NLRC5: variants seen among roughly 807,000 people sequenced by gnomAD.
The protein encoded by NLRC5 is NLR family CARD domain containing 5, also known as protein NLRC5.
A neutral mutation model predicts 206.9 loss-of-function variants in NLRC5; 114 were observed. The observed-to-expected ratio is 0.55, with a 90% CI of 0.47 to 0.64. The LOEUF is 0.64. Ranked by LOEUF, NLRC5 falls within the 30% of genes least tolerant of loss-of-function variation. NLRC5 has a pLI of 0.00. For synonymous variants in NLRC5, 952 were observed against 962.8 expected, an observed-to-expected ratio of 0.99 and a Z score of 0.21; for missense variants, 2,008 against 2,305.5, an observed-to-expected ratio of 0.87 and a Z score of 2.64.
chr16:57,062,047 G>A lies in NLRC5; in HGVS notation c.4154+346G>A, dbSNP rs1342997305. The A allele has an allele frequency of 7.4e-6, 10 of 1,350,642 alleles. No individual in the cohort carries two copies. In the Admixed American group the frequency reaches 9.8e-5, roughly 13 times the overall value. The allele number at this position is 1,350,642 out of a possible 1,614,324, so 83.7% of individuals were successfully genotyped here. A position where few individuals can be genotyped will look rare whatever the true frequency, so the allele number is the denominator to read the frequency against. Reference sequence around the variant, plus strand: ...GATCATTTTAAAACACTCAGAAAAAGAAGATACCGAAGTAGAAAGAATAAT... The same window carrying A: ...GATCATTTTAAAACACTCAGAAAAAAAAGATACCGAAGTAGAAAGAATAAT... On this transcript the variant is annotated intron_variant, in intron 32 of 48. Transcript: ENST00000688547.
rs537567720 is a variant in NLRC5 at position 57,000,284 on chromosome 16, G to C, written c.-128+10667G>C. 2.0e-4 allele frequency among the ~76,000 whole-genome samples: 31 copies of C among 152,278 alleles called. No homozygotes were observed. The South Asian group carries it at 6.0e-3, about 30-fold the overall frequency. ...CTGGCAGTAGGGCACCCCAGTCCTG[G>C]AGGAGGGTGCATCTGGAAAGCTTGG... On this transcript the variant is annotated intron_variant, in intron 1 of 48. Transcript: ENST00000688547.
At chr16:57,082,271 A>G (rs2069244509) in intron 48 of NLRC5, 146 bp from the exon 49 acceptor site, 1 of 568,342 alleles carries the variant, frequency 1.8e-6, no homozygotes, top group African/African-American at 1.9e-5. Flanking sequence ...CCCTCTCCCT[A>G]GGTCAGCTAT....
rs191102520 is a variant in NLRC5, at chr16:57,053,852, A to C, written c.3507-899A>C. Among the ~76,000 whole-genome samples the C allele has an allele frequency of 2.2e-4, 34 of 152,316 alleles. No individual in the cohort carries two copies. The East Asian group carries it at 6.6e-3, about 29-fold the overall frequency. On this transcript the variant is annotated intron_variant, in intron 24 of 48. Coordinates refer to ENST00000688547, the MANE Select transcript of NLRC5 (RefSeq NM_001384950.1). ...TCCTCATTTGGGTTTTCAAAAGTTC[A>C]GACTGAGTGCTGGGTAGAGAATGGA...
At chr16:57,025,298 A>G (rs747884831) in intron 5 of NLRC5, 70 bp from the exon 6 acceptor site, 2 of 1,498,556 alleles carry the variant, frequency 1.3e-6, no homozygotes, top group Non-Finnish European at 1.8e-6. Flanking sequence ...ACAGCCCAAT[A>G]CTGGGGCAAG....
Position 57,051,589 on chromosome 16 carries a change from C to T in NLRC5, c.3474C>T (p.Cys1158=), listed in dbSNP as rs1443629356. 6.2e-7 allele frequency: 1 copy of T among 1,614,040 alleles called. No individual in the cohort carries two copies. The highest frequency in any genetic ancestry group is 8.5e-7 in the Non-Finnish European group (1 of 1,179,892). Reference sequence around the variant, plus strand: ...AGAGCCTGGAGACTCTACTGGACTGCTTACCTCAACTCCCTCAGCTGAGCC... The same window carrying T: ...AGAGCCTGGAGACTCTACTGGACTGTTTACCTCAACTCCCTCAGCTGAGCC... ...SDQSLETLLD[C]LPQLPQLSLL... The change falls in exon 24 of 49, where the codon TGC becomes TGT. Residue 1158 remains cysteine, a synonymous_variant. Coordinates refer to ENST00000688547, the MANE Select transcript of NLRC5 (RefSeq NM_001384950.1).
chr16:57,060,505 TACCACATACACACACATAC>T (rs1452063810), intron 30 of NLRC5, among the ~76,000 whole-genome samples: 9 of 149,630 alleles, frequency 6.0e-5, no homozygotes, highest in African/African-American at 2.0e-4. Flanking sequence ...ACCATACACA[TACCACATACACACACATAC>T]ACCACACACA....
At chr16:57,055,393 A>T in intron 26 of NLRC5, 40 bp from the exon 27 acceptor site, 1 of 1,597,248 alleles carries the variant, frequency 6.3e-7, no homozygotes, top group Non-Finnish European at 8.6e-7. Flanking sequence ...TCAGTGGCCA[A>T]ACGCCCCATC....
chr16:57,070,872 ATGGTGGTTAATGGGGAAGGGGGTGAGT>A (rs1567639023), intron 38 of NLRC5, among the ~76,000 whole-genome samples: 17 of 77,650 alleles, frequency 2.2e-4, no homozygotes, highest in African/African-American at 8.5e-4. Context: ...GAGAGTGGTG[ATGGTGGTTAATGGGGAAGGGGGTGAGT>A]GAGTGGTGAT....
At chr16:57,082,392 G>T in intron 48 of NLRC5, 25 bp from the exon 49 acceptor site, 1 of 1,533,668 alleles carries the variant, frequency 6.5e-7, no homozygotes, top group South Asian at 1.2e-5. Context: ...GAGGATGAAT[G>T]AGTGCCTATA....
intron 35 of NLRC5, 132 bp from the exon 36 acceptor site, chr16:57,067,604 G>A (rs769507743): frequency 1.0e-4 from 138 of 1,329,826 alleles, no homozygotes; most frequent in Non-Finnish European, 1.4e-4. Context: ...TGGAGGGGAG[G>A]GAGAGCCCCA....
At chr16:57,042,214 G>C (rs562150429) in intron 19 of NLRC5, 149 bp downstream of exon 19, 1 of 457,892 alleles carries the variant, frequency 2.2e-6, no homozygotes, top group Non-Finnish European at 3.8e-6. Flanking sequence ...CTCGGTGAAG[G>C]CTAGCTAATA....
In NLRC5 at chr16:57,037,323, C is replaced by A. The variant is rs771857808; in HGVS notation, c.2801+39C>A. 7 of 1,530,424 alleles carry A rather than the reference C, an allele frequency of 4.6e-6. No individual in the cohort carries two copies. In the Admixed American group the frequency reaches 5.1e-5, roughly 11 times the overall value. 94.8% of individuals were successfully genotyped at this position (1,530,424 alleles called of 1,614,324 possible). On this transcript the variant is annotated intron_variant, in intron 15 of 48. Transcript: ENST00000688547. Reference sequence around the variant, plus strand: ...CAGACCACGGTACCCATCCCCCCCCCCATCATGCTCTCTCTGAAGCCCTTG... The same window carrying A: ...CAGACCACGGTACCCATCCCCCCCCACATCATGCTCTCTCTGAAGCCCTTG...
intron 38 of NLRC5, 58 bp from the exon 39 acceptor site, chr16:57,074,542 C>T (rs1183202695): frequency 2.0e-6 from 3 of 1,504,552 alleles, no homozygotes; most frequent in East Asian, 2.3e-5. Context: ...CTCAGACCCC[C>T]AGACTGGACA....
Position 57,037,323 on chromosome 16 carries a change from C to T in NLRC5, c.2801+39C>T, listed in dbSNP as rs771857808. ...CAGACCACGGTACCCATCCCCCCCC[C>T]CATCATGCTCTCTCTGAAGCCCTTG... On this transcript the variant is annotated intron_variant, in intron 15 of 48. Coordinates refer to ENST00000688547, the MANE Select transcript of NLRC5 (RefSeq NM_001384950.1). 9 of 1,530,426 alleles carry T rather than the reference C, an allele frequency of 5.9e-6. No homozygotes were observed. The Admixed American group carries it at 1.5e-4, about 26-fold the overall frequency. The allele number at this position is 1,530,426 out of a possible 1,614,324, so 94.8% of individuals were successfully genotyped here.
intron 23 of NLRC5, among the ~76,000 whole-genome samples, chr16:57,050,371 A>G (rs1172210265): frequency 6.6e-6 from 1 of 151,692 alleles, no homozygotes; most frequent in Non-Finnish European, 1.5e-5. Flanking sequence ...TCACTGAGCC[A>G]GTTGATGTAG....
intron 29 of NLRC5, 95 bp from the exon 30 acceptor site, chr16:57,059,372 G>T: frequency 6.5e-7 from 1 of 1,528,336 alleles, no homozygotes. Context: ...TGTGGGTGCA[G>T]CCCCGCTTCC....
intron 1 of NLRC5, among the ~76,000 whole-genome samples, chr16:57,010,459 C>T (rs2142568354): frequency 1.3e-5 from 2 of 152,304 alleles, no homozygotes; most frequent in South Asian, 4.1e-4. Flanking sequence ...ACTGCAGCCT[C>T]AAACTCCTGG....
chr16:57,033,674 C>G lies in NLRC5; in HGVS notation c.2543+5C>G, dbSNP rs748571729. On this transcript the variant is annotated splice_donor_5th_base_variant and intron_variant, in intron 12 of 48. Coordinates refer to ENST00000688547, the MANE Select transcript of NLRC5 (RefSeq NM_001384950.1). ...GAGCAGAAGCTTGACGCTCAGGTAC[C>G]TTGGAGGGATCTATTGCCTTAGGAG... 6.2e-7 allele frequency: 1 copy of G among 1,613,618 alleles called. No homozygotes were observed. The highest frequency in any genetic ancestry group is 8.5e-7 in the Non-Finnish European group (1 of 1,179,606).
rs149854548 is a variant in NLRC5 at position 57,043,771 on chromosome 16, A to T, written c.3203+167A>T. ...GTGATGGGCGTCCACTGAATGAATG[A>T]ATGATCAAATGAATGAATAAGTATG... On this transcript the variant is annotated intron_variant, in intron 20 of 48. Transcript: ENST00000688547. 29 of 639,814 alleles carry T rather than the reference A, an allele frequency of 4.5e-5. 1 individual carries two copies. Among genetic ancestry groups the T allele is most frequent in the African/African-American group, 4.1e-4 (23 of 55,804 alleles). 39.6% of individuals were successfully genotyped at this position (639,814 alleles called of 1,614,324 possible).
Sources: allele counts gnomAD v4.1 joint callset (sites outside exome capture counted in the v4.1 genomes callset), GRCh38; gene constraint gnomAD v4.1.1; transcripts MANE v1.5; gene names NCBI Gene and HGNC (gene_info 2026-07-23, HGNC 2026-07-21).